Variants in BICC1 observed in about 807,000 individuals in gnomAD.
The protein encoded by BICC1 is BicC family RNA binding protein 1, also known as protein bicaudal C homolog 1.
Under a neutral mutation model 111.0 loss-of-function variants are expected in BICC1, and 43 were observed. The observed-to-expected ratio is 0.39, with a 90% confidence interval of 0.30 to 0.50. BICC1 has a LOEUF of 0.50. BICC1 is among the 20% of genes least tolerant of loss of function. The pLI is 0.88. For missense variants in BICC1, 1,091 were observed against 1,203.2 expected, an observed-to-expected ratio of 0.91 and a Z score of 1.38; for synonymous variants, 467 against 434.4, an observed-to-expected ratio of 1.07 and a Z score of -0.93.
At chr10:58,651,180 A>G (rs1261493132) in intron 2 of BICC1, among the ~76,000 whole-genome samples, 1 of 152,210 alleles carries the variant, frequency 6.6e-6, no homozygotes. Context: ...CTCTTCTCTA[A>G]GGGAGATTTT....
In BICC1 at chr10:58,559,337, G is replaced by A. The variant is rs551550129; in HGVS notation, c.190+46004G>A. 4.0e-5 allele frequency among the ~76,000 whole-genome samples: 6 copies of A among 151,540 alleles called. No individual in the cohort carries two copies. The East Asian group carries it at 1.2e-3, about 29-fold the overall frequency. On this transcript the variant is annotated intron_variant, in intron 1 of 20. Transcript: ENST00000373886. Reference sequence around the variant, plus strand: ...ATGCTAAATTTATTTCTAGGCATTTGTGTTTTTTTTTTGGTAAGTAGATAT... The same window carrying A: ...ATGCTAAATTTATTTCTAGGCATTTATGTTTTTTTTTTGGTAAGTAGATAT...
chr10:58,690,650 A>G (rs1839882973), intron 2 of BICC1, among the ~76,000 whole-genome samples: 1 of 152,212 alleles, frequency 6.6e-6, no homozygotes, highest in Non-Finnish European at 1.5e-5. Flanking sequence ...CTGCTCACCC[A>G]GTAGAGCCTA....
chr10:58,564,510 G>A (rs1359435525), intron 1 of BICC1, among the ~76,000 whole-genome samples: 3 of 152,214 alleles, frequency 2.0e-5, no homozygotes, highest in Non-Finnish European at 4.4e-5. Flanking sequence ...GTGAGCAAGA[G>A]GTTGATTTTT....
At chr10:58,619,593 G>C (rs1246037319) in intron 1 of BICC1, among the ~76,000 whole-genome samples, 1 of 151,438 alleles carries the variant, frequency 6.6e-6, no homozygotes, top group East Asian at 1.9e-4. Flanking sequence ...TCCTGCCTCA[G>C]CCTCTCAAAT....
intron 3 of BICC1, among the ~76,000 whole-genome samples, chr10:58,737,232 A>G (rs929875090): frequency 1.1e-4 from 16 of 152,140 alleles, no homozygotes; most frequent in African/African-American, 2.4e-4. Context: ...ATATCTCCCA[A>G]TGCTATCCCT....
intron 3 of BICC1, among the ~76,000 whole-genome samples, chr10:58,705,026 C>T (rs1227434594): frequency 3.9e-5 from 6 of 152,208 alleles, no homozygotes; most frequent in East Asian, 1.9e-4. Flanking sequence ...TGTGAGTGGC[C>T]GTATGGCTCA....
chr10:58,560,782 T>C (rs1843582686), intron 1 of BICC1, among the ~76,000 whole-genome samples: 1 of 152,082 alleles, frequency 6.6e-6, no homozygotes, highest in African/African-American at 2.4e-5. Flanking sequence ...TTTTTTGTTT[T>C]CTTCTTAATT....
rs529048226 is a variant in BICC1 at position 58,623,854 on chromosome 10, T to C, written c.237+2953T>C. 2.6e-5 allele frequency among the ~76,000 whole-genome samples: 4 copies of C among 151,996 alleles called. 1 individual carries two copies. The South Asian group carries it at 8.3e-4, about 32-fold the overall frequency. On this transcript the variant is annotated intron_variant, in intron 2 of 20. Transcript: ENST00000373886. Reference sequence around the variant, plus strand: ...CTCTATGGGAGAAAACTTAGTTATGTAGTCTTACCTAATAGCAACAATAGA... The same window carrying C: ...CTCTATGGGAGAAAACTTAGTTATGCAGTCTTACCTAATAGCAACAATAGA...
At chr10:58,710,802 T>C (rs1840549663) in intron 3 of BICC1, among the ~76,000 whole-genome samples, 2 of 152,194 alleles carry the variant, frequency 1.3e-5, no homozygotes. Flanking sequence ...GTCACATACC[T>C]GAGGACCTGT....
At chr10:58,708,647 G>A (rs1440215331) in intron 3 of BICC1, among the ~76,000 whole-genome samples, 2 of 152,196 alleles carry the variant, frequency 1.3e-5, no homozygotes, top group Non-Finnish European at 1.5e-5. Context: ...CATAGCACGT[G>A]AAGAAGCTGG....
rs55658336 is a variant in BICC1 at position 58,540,376 on chromosome 10, G to T, written c.190+27043G>T. On this transcript the variant is annotated intron_variant, in intron 1 of 20. Coordinates refer to ENST00000373886, the MANE Select transcript of BICC1 (RefSeq NM_001080512.3). The stretch of plus-strand genomic sequence containing the variant: ...AACAAAATCAACAGTTCCATATTTA[G>T]CTAGAATAAGAAGAAAACAAAGACT... Among the ~76,000 whole-genome samples, 874 of 151,626 alleles carry T rather than the reference G, an allele frequency of 5.8e-3. 10 individuals carry two copies. The highest frequency in any genetic ancestry group is 0.02 in the African/African-American group (822 of 41,438).
At chr10:58,542,169 A>AAAAAC (rs1843006748) in intron 1 of BICC1, among the ~76,000 whole-genome samples, 1 of 121,434 alleles carries the variant, frequency 8.2e-6, no homozygotes, top group African/African-American at 3.5e-5. Context: ...AAAAAAAACA[A>AAAAAC]AAAAAAAAAC....
chr10:58,803,146 T>C lies in BICC1; in HGVS notation c.2085T>C (p.Ala695=). Residue 695 remains alanine (A), a synonymous_variant, in exon 15 of 21, where the codon GCT becomes GCC. Coordinates refer to ENST00000373886, the MANE Select transcript of BICC1 (RefSeq NM_001080512.3). ...ATESPLADKK[A]PGSERAAERA... The stretch of plus-strand genomic sequence containing the variant: ...AAAGCCCTTTGGCTGACAAGAAGGC[T>C]CCAGGGAGTGAGCGCGCTGCAGAGA... 1 of 1,610,852 alleles carries C rather than the reference T, an allele frequency of 6.2e-7. No individual in the cohort carries two copies. Among genetic ancestry groups the C allele is most frequent in the Non-Finnish European group, 8.5e-7 (1 of 1,178,484 alleles).
At chr10:58,792,496 C>T (rs1843213129) in intron 8 of BICC1, among the ~76,000 whole-genome samples, 1 of 152,160 alleles carries the variant, frequency 6.6e-6, no homozygotes, top group Admixed American at 6.5e-5. Flanking sequence ...GAAGCTTCAT[C>T]TGTATTAACA....
chr10:58,639,263 C>T (rs536436639), intron 2 of BICC1, among the ~76,000 whole-genome samples: 280 of 152,274 alleles, frequency 1.8e-3, no homozygotes, highest in Non-Finnish European at 3.3e-3. Context: ...GTCCAAGAAG[C>T]AGCTCACAGA....
At position 58,590,160 on chromosome 10, in the gene BICC1, T is replaced by G. The variant is rs930887552; in HGVS notation, c.191-30695T>G. 2.6e-5 allele frequency among the ~76,000 whole-genome samples: 4 copies of G among 152,298 alleles called. No homozygotes were observed. The South Asian group carries it at 8.3e-4, about 32-fold the overall frequency. ...GCAGAAGTCTTGATTTTAATGGACT[T>G]AGGGGAGTTTGATGGGACTGTTTTT... On this transcript the variant is annotated intron_variant, in intron 1 of 20. Coordinates refer to ENST00000373886, the MANE Select transcript of BICC1 (RefSeq NM_001080512.3).
chr10:58,545,255 C>T (rs969091779), intron 1 of BICC1, among the ~76,000 whole-genome samples: 1 of 152,034 alleles, frequency 6.6e-6, no homozygotes, highest in African/African-American at 2.4e-5. Flanking sequence ...TTCATAGTAT[C>T]TCCTAAGCAC....
intron 1 of BICC1, among the ~76,000 whole-genome samples, chr10:58,571,042 G>T (rs890782835): frequency 1.3e-5 from 2 of 152,128 alleles, no homozygotes; most frequent in African/African-American, 4.8e-5. Flanking sequence ...CCATTGCTGT[G>T]TATCCAGTGC....
chr10:58,646,529 A>C (rs1218427057), intron 2 of BICC1, among the ~76,000 whole-genome samples: 4 of 152,198 alleles, frequency 2.6e-5, no homozygotes, highest in Admixed American at 2.6e-4. Context: ...TTACCTAAAA[A>C]TGAGGGTATG....
Sources: allele counts gnomAD v4.1 joint callset (sites outside exome capture counted in the v4.1 genomes callset), GRCh38; gene constraint gnomAD v4.1.1; transcripts MANE v1.5; gene names NCBI Gene and HGNC (gene_info 2026-07-23, HGNC 2026-07-21).